The following DNAH17 variants were observed in gnomAD, a reference collection of about 807,000 sequenced individuals.
DNAH17 encodes the protein dynein axonemal heavy chain 17.
In DNAH17, 376 loss-of-function variants were observed where a neutral mutation model predicts 485.6. The observed-to-expected ratio is 0.77, with a 90% CI of 0.71 to 0.84. The LOEUF is 0.84. Among genes scored for constraint, DNAH17 ranks in the 40% least tolerant of loss-of-function variants. The pLI is 0.00. For synonymous variants in DNAH17, 3,031 were observed against 2,405.9 expected, an observed-to-expected ratio of 1.26 and a Z score of -7.60; for missense variants, 6,370 against 5,839.3, an observed-to-expected ratio of 1.09 and a Z score of -2.96.
rs201380249 is a variant in DNAH17 at position 78,485,683 on chromosome 17, C to T, written c.7350G>A (p.Pro2450=). The change falls in exon 47 of 81, where the codon CCG becomes CCA. Residue 2450 remains proline (P), a synonymous_variant. Transcript: ENST00000389840. ...TCCCCGCGTTCCCCACCAGCATCAC[C>T]GGCCAGGACTTCTCCATGAGCAGGT... is the stretch of plus-strand genomic sequence containing the variant. ...FMDLLMEKSW[P]VMLVGNAGTG... 2.3e-4 allele frequency: 372 copies of T among 1,613,858 alleles called. No homozygotes were observed. The highest frequency in any genetic ancestry group is 2.9e-4 in the Non-Finnish European group (342 of 1,179,894).
chr17:78,503,127 C>A, intron 31 of DNAH17, 116 bp from the exon 32 acceptor site: 2 of 1,205,822 alleles, frequency 1.7e-6, no homozygotes, highest in East Asian at 3.2e-5. Flanking sequence ...ATCCCAGGGG[C>A]AGACAGGTCA....
chr17:78,461,419 T>C lies in DNAH17; in HGVS notation c.9339+125A>G, dbSNP rs1044670694. Reference sequence around the variant, plus strand: ...GGGGGTCCCACTGGTTTAGGAACCTTGTCCTTCTATGTAAGTCTCAGCCTT... The same window carrying C: ...GGGGGTCCCACTGGTTTAGGAACCTCGTCCTTCTATGTAAGTCTCAGCCTT... On this transcript the variant is annotated intron_variant, in intron 58 of 80. Transcript: ENST00000389840. The C allele has an allele frequency of 4.7e-6, 5 of 1,062,894 alleles. No individual in the cohort carries two copies. In the African/African-American group the frequency reaches 8.3e-5, roughly 18 times the overall value. The allele number at this position is 1,062,894 out of a possible 1,614,324, so 65.8% of individuals were successfully genotyped here.
intron 7 of DNAH17, 84 bp from the exon 8 acceptor site, chr17:78,569,611 A>G: frequency 6.8e-7 from 1 of 1,478,938 alleles, no homozygotes; most frequent in Non-Finnish European, 9.1e-7. Flanking sequence ...AGGACCTGTG[A>G]TCTGTTCTGA....
chr17:78,430,908 T>G (rs1427172510), intron 75 of DNAH17, among the ~76,000 whole-genome samples: 1 of 151,630 alleles, frequency 6.6e-6, no homozygotes, highest in Non-Finnish European at 1.5e-5. Flanking sequence ...TTAGACAGGA[T>G]CTTGTTCCAT....
chr17:78,441,520 A>G lies in DNAH17; in HGVS notation c.11529-321T>C, dbSNP rs376310609. Among the ~76,000 whole-genome samples, 8 of 152,300 alleles carry G rather than the reference A, an allele frequency of 5.3e-5. 1 individual carries two copies. In the East Asian group the frequency reaches 5.8e-4, roughly 11 times the overall value. ...CGGGGGGTGGGGGCGCTGAGAAGGA[A>G]GGAAGTTCAGATTAGAGCAAAGCTT... On this transcript the variant is annotated intron_variant, in intron 71 of 80. Transcript: ENST00000389840.
chr17:78,438,961 T>C (rs2086962568), intron 73 of DNAH17, 129 bp downstream of exon 73: 1 of 1,344,072 alleles, frequency 7.4e-7, no homozygotes, highest in Admixed American at 2.8e-5. Flanking sequence ...CCTTCAGTGG[T>C]GTTAGGATTT....
Position 78,494,645 on chromosome 17 carries a change from TC to T in DNAH17, c.6217del (p.Asp2073ThrfsTer14). On this transcript the variant is annotated frameshift_variant, in exon 40 of 81. Transcript: ENST00000389840. LOFTEE classifies it high-confidence loss of function. The part of the protein sequence containing the change: ...DLPVFMGLIG[D>X]LFPALDVPRK... ...AGGCACGTCCAGAGCCGGGAAGAGG[TC>T]CCCGATCAGTCCCATGAATACGGGC... 1 of 1,613,770 alleles carries T rather than the reference TC, an allele frequency of 6.2e-7. No individual in the cohort carries two copies. Among genetic ancestry groups the T allele is most frequent in the Non-Finnish European group, 8.5e-7 (1 of 1,179,864 alleles).
intron 47 of DNAH17, 47 bp from the exon 48 acceptor site, chr17:78,485,080 G>C: frequency 1.3e-6 from 2 of 1,552,168 alleles, no homozygotes; most frequent in South Asian, 2.5e-5. Flanking sequence ...TCCTGAGCCA[G>C]AGCCTGTTAG....
chr17:78,576,831 C>T (rs371318824), intron 1 of DNAH17, among the ~76,000 whole-genome samples: 77 of 152,350 alleles, frequency 5.1e-4, no homozygotes, highest in Admixed American at 7.2e-4. Flanking sequence ...CCCTACACCC[C>T]GCAAGTTTCT....
intron 35 of DNAH17, 26 bp from the exon 36 acceptor site, chr17:78,500,487 T>C (rs1280983423): frequency 7.1e-6 from 11 of 1,542,442 alleles, no homozygotes; most frequent in Admixed American, 2.2e-5. Flanking sequence ...GGTAAGCGTG[T>C]GTGCCAGCGA....
intron 71 of DNAH17, among the ~76,000 whole-genome samples, chr17:78,441,573 A>G (rs78330704): frequency 0.017 from 2,564 of 152,136 alleles, 202 homozygotes; most frequent in Admixed American, 0.14. Context: ...TCAAAGAAAA[A>G]AGCAACTTCA....
At chr17:78,501,984 C>T (rs1673364356) in intron 33 of DNAH17, 111 bp from the exon 34 acceptor site, 3 of 1,493,104 alleles carry the variant, frequency 2.0e-6, no homozygotes, top group Non-Finnish European at 2.7e-6. Context: ...CTTTTGTTTA[C>T]AGTAATGAAA....
Position 78,428,911 on chromosome 17 carries a change from G to A in DNAH17, c.12406-204C>T, listed in dbSNP as rs1281869404. On this transcript the variant is annotated intron_variant, in intron 76 of 80. Transcript: ENST00000389840. ...ATTCCATTCCCCCTTCCCTGAGGCT[G>A]CATTTCTTTCTTTAAAAAAAAAAAA... 1.1e-4 allele frequency among the ~76,000 whole-genome samples: 13 copies of A among 114,958 alleles called. 1 individual carries two copies. In the Middle Eastern group the frequency reaches 0.014, roughly 128 times the overall value. The allele number at this position is 114,958 out of a possible 152,430, so 75.4% of individuals were successfully genotyped here.
chr17:78,490,002 G>T (rs1191007863), intron 44 of DNAH17: 1 of 152,138 alleles, frequency 6.6e-6, no homozygotes, highest in African/African-American at 2.4e-5. Context: ...ATGTCCCCAG[G>T]AAATCCCTTA....
At position 78,517,435 on chromosome 17, in the gene DNAH17, AAACC is replaced by A. The variant is rs142516788; in HGVS notation, c.3865-2417_3865-2414del. On this transcript the variant is annotated intron_variant, in intron 25 of 80. Coordinates refer to ENST00000389840, the MANE Select transcript of DNAH17 (RefSeq NM_173628.4). ...GAGTGACGAGGAGACAGAAAGGCAGAAACCAACATATGCACACACACAGAAGAAG... is the reference window on the plus strand; with the variant it reads ...GAGTGACGAGGAGACAGAAAGGCAGAAACATATGCACACACACAGAAGAAG... Among the ~76,000 whole-genome samples, 364 of 152,352 alleles carry A rather than the reference AAACC, an allele frequency of 2.4e-3. 1 individual carries two copies. Among genetic ancestry groups the A allele is most frequent in the African/African-American group, 8.0e-3 (334 of 41,582 alleles).
intron 47 of DNAH17, 47 bp downstream of exon 47, chr17:78,485,503 T>C (rs758808908): frequency 9.2e-6 from 14 of 1,517,074 alleles, no homozygotes; most frequent in Admixed American, 6.0e-5. Flanking sequence ...GAACGGGGAC[T>C]GGCGGGGGGC....
intron 71 of DNAH17, 63 bp from the exon 72 acceptor site, chr17:78,441,262 G>A (rs1050625465): frequency 3.8e-6 from 6 of 1,588,456 alleles, no homozygotes; most frequent in Non-Finnish European, 5.1e-6. Flanking sequence ...GGGGCGCTCG[G>A]GGTGGGCTGT....
At chr17:78,529,420 G>C in intron 22 of DNAH17, 52 bp downstream of exon 22, 1 of 1,584,518 alleles carries the variant, frequency 6.3e-7, no homozygotes, top group South Asian at 1.1e-5. Flanking sequence ...GGTCGCGGCC[G>C]GGATGGCTCT....
rs2091902422 is a variant in DNAH17, at chr17:78,551,561, T to C, written c.2365A>G (p.Ile789Val). The C allele has an allele frequency of 3.1e-6, 5 of 1,614,054 alleles. No homozygotes were observed. Among genetic ancestry groups the C allele is most frequent in the Non-Finnish European group, 3.4e-6 (4 of 1,179,902 alleles). The change falls in exon 16 of 81, where the codon ATA becomes GTA. Residue 789 changes from isoleucine to valine, a missense_variant. Ile to Val is a conservative substitution (Grantham distance 29). Coordinates refer to ENST00000389840, the MANE Select transcript of DNAH17 (RefSeq NM_173628.4). ...QNRMQKAKQNIEGISQAMKDW... is the reference protein window; with the variant it reads ...QNRMQKAKQNVEGISQAMKDW... ...TTCATAGCCTGGGAAATTCCTTCTA[T>C]ATTTTGTTTTGCCTTTTGCATCCTG...
Sources: allele counts gnomAD v4.1 joint callset (sites outside exome capture counted in the v4.1 genomes callset), GRCh38; gene constraint gnomAD v4.1.1; transcripts MANE v1.5; gene names NCBI Gene and HGNC (gene_info 2026-07-23, HGNC 2026-07-21).